Variants in RAB3C observed in about 807,000 individuals in gnomAD.
RAB3C encodes RAB3C, member RAS oncogene family.
In RAB3C, 17 loss-of-function variants were observed where a neutral mutation model predicts 26.4. The observed-to-expected ratio is 0.64, with a 90% CI of 0.44 to 0.97. RAB3C has a LOEUF of 0.97. RAB3C is among the 50% of genes least tolerant of loss of function. The pLI is 0.00. For synonymous variants in RAB3C, 91 were observed against 95.9 expected (o/e 0.95, Z 0.30); for missense variants, 242 against 281.9 (o/e 0.86, Z 1.01).
chr5:58,652,953 C>G (rs771693160), intron 2 of RAB3C, among the ~76,000 whole-genome samples: 28 of 151,732 alleles, frequency 1.8e-4, no homozygotes, highest in Non-Finnish European at 3.8e-4. Flanking sequence ...AATTTGCACG[C>G]AATTTAGGGA....
chr5:58,641,187 G>A (rs1254376911), intron 2 of RAB3C, among the ~76,000 whole-genome samples: 2 of 152,162 alleles, frequency 1.3e-5, no homozygotes, highest in Non-Finnish European at 2.9e-5. Flanking sequence ...AAGAATGGAG[G>A]TGTGCTATGT....
intron 2 of RAB3C, among the ~76,000 whole-genome samples, chr5:58,650,051 A>T (rs968982872): frequency 6.6e-6 from 1 of 152,220 alleles, no homozygotes; most frequent in African/African-American, 2.4e-5. Flanking sequence ...TTTACAATTT[A>T]TATGGAAAGA....
rs1381406536 is a variant in RAB3C at position 58,655,496 on chromosome 5, G to A, written c.252+37626G>A. Among the ~76,000 whole-genome samples the A allele has an allele frequency of 1.2e-4, 19 of 152,170 alleles. 1 individual carries two copies. The highest frequency in any genetic ancestry group is 1.2e-3 in the Admixed American group (18 of 15,272). On this transcript the variant is annotated intron_variant, in intron 2 of 4. Transcript: ENST00000282878. The stretch of plus-strand genomic sequence containing the variant: ...GAGGCAAAGGCTCTAGTTTAAGGCT[G>A]ACAAACCAAATAGTAGAATGTTAAG...
intron 2 of RAB3C, among the ~76,000 whole-genome samples, chr5:58,661,055 C>T (rs1387585514): frequency 6.7e-6 from 1 of 150,044 alleles, no homozygotes; most frequent in East Asian, 1.9e-4. Flanking sequence ...TGATAATGTT[C>T]CTGCCTCCCC....
intron 2 of RAB3C, among the ~76,000 whole-genome samples, chr5:58,637,879 CTG>C (rs1272856854): frequency 6.6e-6 from 1 of 152,090 alleles, no homozygotes; most frequent in Non-Finnish European, 1.5e-5. Flanking sequence ...ATATCACCAA[CTG>C]TGTTTTCACA....
At chr5:58,602,507 A>T (rs1355700659) in intron 1 of RAB3C, among the ~76,000 whole-genome samples, 1 of 152,104 alleles carries the variant, frequency 6.6e-6, no homozygotes, top group East Asian at 1.9e-4. Context: ...TCTGCTAATA[A>T]TTGTTTTATA....
rs1744323801 is a variant in RAB3C, at chr5:58,858,926, A to C, written c.*7575A>C. ...TTGCCAGTGCACCAAACCATGAGAGATTGTCCGACCTAATGCCACCTGGCA... is the reference window on the plus strand; with the variant it reads ...TTGCCAGTGCACCAAACCATGAGAGCTTGTCCGACCTAATGCCACCTGGCA... On this transcript the variant is annotated 3_prime_UTR_variant, in exon 5 of 5. Coordinates refer to ENST00000282878, the MANE Select transcript of RAB3C (RefSeq NM_138453.4). 6.6e-6 allele frequency: 1 copy of C among 151,892 alleles called. No homozygotes were observed. The highest frequency in any genetic ancestry group is 6.6e-5 in the Admixed American group (1 of 15,232). 9.4% of individuals were successfully genotyped at this position (151,892 alleles called of 1,614,324 possible).
intron 2 of RAB3C, among the ~76,000 whole-genome samples, chr5:58,657,980 C>T (rs529436625): frequency 1.6e-4 from 25 of 152,150 alleles, no homozygotes; most frequent in Admixed American, 7.2e-4. Flanking sequence ...AAATTAGCTA[C>T]GTTTTTATCT....
chr5:58,726,965 G>A (rs927577464), intron 3 of RAB3C, among the ~76,000 whole-genome samples: 1 of 151,968 alleles, frequency 6.6e-6, no homozygotes, highest in Non-Finnish European at 1.5e-5. Flanking sequence ...GTAGGGCTTT[G>A]TGTGACATTA....
chr5:58,827,066 T>A (rs1743498015), intron 4 of RAB3C, among the ~76,000 whole-genome samples: 1 of 152,242 alleles, frequency 6.6e-6, no homozygotes, highest in Non-Finnish European at 1.5e-5. Context: ...TGGCAGCTTT[T>A]GAAGTTACCA....
rs71604758 is a variant in RAB3C, at chr5:58,673,447, TACACACACAC to T, written c.253-52523_253-52514del. Reference sequence around the variant, plus strand: ...TTTCTTCTTCTCAACGAACTAGTTATACACACACACACACACACACACACACACACACACA... The same window carrying T: ...TTTCTTCTTCTCAACGAACTAGTTATACACACACACACACACACACACACA... On this transcript the variant is annotated intron_variant, in intron 2 of 4. Transcript: ENST00000282878. Among the ~76,000 whole-genome samples the T allele has an allele frequency of 3.9e-3, 574 of 146,030 alleles. 1 individual carries two copies. The highest frequency in any genetic ancestry group is 0.014 in the Middle Eastern group (4 of 288).
intron 3 of RAB3C, among the ~76,000 whole-genome samples, chr5:58,750,476 G>A (rs1263075259): frequency 1.7e-5 from 2 of 118,302 alleles, no homozygotes; most frequent in Non-Finnish European, 4.2e-5. Flanking sequence ...CAGTAACTCT[G>A]CTTAAGAATC....
chr5:58,609,817 C>T (rs950117760), intron 1 of RAB3C, among the ~76,000 whole-genome samples: 12 of 152,172 alleles, frequency 7.9e-5, no homozygotes, highest in East Asian at 3.9e-4. Context: ...TGACCTTTTC[C>T]GGGCCCCTTT....
At chr5:58,718,174 T>A (rs1451847420) in intron 2 of RAB3C, among the ~76,000 whole-genome samples, 1 of 152,062 alleles carries the variant, frequency 6.6e-6, no homozygotes, top group Non-Finnish European at 1.5e-5. Flanking sequence ...AAAAAGTATG[T>A]CAAAAAGATT....
At chr5:58,782,505 C>G (rs1742293379) in intron 3 of RAB3C, among the ~76,000 whole-genome samples, 1 of 152,096 alleles carries the variant, frequency 6.6e-6, no homozygotes, top group African/African-American at 2.4e-5. Flanking sequence ...TATAATTACT[C>G]ATCTTTGACA....
intron 4 of RAB3C, among the ~76,000 whole-genome samples, chr5:58,842,167 C>G (rs1297627473): frequency 6.6e-6 from 1 of 152,040 alleles, no homozygotes; most frequent in East Asian, 1.9e-4. Context: ...AATGGTTTTA[C>G]CTTGAAATTT....
At chr5:58,712,580 A>C (rs991282193) in intron 2 of RAB3C, among the ~76,000 whole-genome samples, 1 of 152,162 alleles carries the variant, frequency 6.6e-6, no homozygotes, top group Non-Finnish European at 1.5e-5. Flanking sequence ...GCTGGAGTTC[A>C]GTGGAGCGAT....
At chr5:58,683,483 A>G (rs1209678737) in intron 2 of RAB3C, among the ~76,000 whole-genome samples, 1 of 152,202 alleles carries the variant, frequency 6.6e-6, no homozygotes, top group Non-Finnish European at 1.5e-5. Context: ...CTGGGAATAC[A>G]GGAATGATGT....
chr5:58,777,594 GTT>G (rs779951394), intron 3 of RAB3C, among the ~76,000 whole-genome samples: 3,355 of 130,010 alleles, frequency 0.026, 68 homozygotes, highest in African/African-American at 0.067. Context: ...GAAAGACCAT[GTT>G]TTTTTTTTTT....
Sources: allele counts gnomAD v4.1 joint callset (sites outside exome capture counted in the v4.1 genomes callset), GRCh38; gene constraint gnomAD v4.1.1; transcripts MANE v1.5; gene names NCBI Gene and HGNC (gene_info 2026-07-23, HGNC 2026-07-21).